The following KIF16B variants were observed in gnomAD, a reference collection of about 807,000 sequenced individuals.
KIF16B encodes kinesin family member 16B.
KIF16B carries 98 observed loss-of-function variants against 156.3 expected under a neutral mutation model. That is an observed-to-expected ratio of 0.63 (90% confidence interval 0.53 to 0.74). The LOEUF (loss-of-function observed/expected upper bound fraction) is 0.74, where lower values mean the gene tolerates loss of function less well. KIF16B is among the 30% of genes least tolerant of loss of function. The pLI, the probability that KIF16B is intolerant of heterozygous loss-of-function variation, is 0.00. For missense variants in KIF16B, 1,421 were observed against 1,606.5 expected (o/e 0.88, Z 1.97); for synonymous variants, 564 against 583.7 (o/e 0.97, Z 0.49).
intron 11 of KIF16B, among the ~76,000 whole-genome samples, chr20:16,495,268 C>G (rs985979743): frequency 3.3e-5 from 5 of 152,134 alleles, no homozygotes; most frequent in Non-Finnish European, 7.4e-5. Flanking sequence ...TACCTGGTCT[C>G]CCCAGTAAGT....
intron 17 of KIF16B, among the ~76,000 whole-genome samples, chr20:16,383,013 A>C (rs933013301): frequency 6.6e-6 from 1 of 152,140 alleles, no homozygotes; most frequent in Non-Finnish European, 1.5e-5. Context: ...TTGTTTTTTG[A>C]GTCAGGGTCT....
At chr20:16,463,440 T>C (rs1321507831) in intron 12 of KIF16B, among the ~76,000 whole-genome samples, 1 of 152,130 alleles carries the variant, frequency 6.6e-6, no homozygotes, top group Admixed American at 6.5e-5. Context: ...AAAATAAATA[T>C]TAGCATATTT....
intron 1 of KIF16B, among the ~76,000 whole-genome samples, chr20:16,564,896 C>G (rs2071197567): frequency 6.6e-6 from 1 of 152,022 alleles, no homozygotes; most frequent in Non-Finnish European, 1.5e-5. Flanking sequence ...CAGCCTCTCA[C>G]ACTGGCGACC....
chr20:16,536,067 G>A (rs2069949126), intron 1 of KIF16B, among the ~76,000 whole-genome samples: 1 of 152,168 alleles, frequency 6.6e-6, no homozygotes, highest in African/African-American at 2.4e-5. Flanking sequence ...ATTCACAATA[G>A]CAAAGATATT....
chr20:16,294,379 T>C (rs73110390), intron 25 of KIF16B, among the ~76,000 whole-genome samples: 3,446 of 152,016 alleles, frequency 0.023, 59 homozygotes, highest in Middle Eastern at 0.034. Flanking sequence ...AGCAGAAGCA[T>C]GGGGGTAGGA....
rs150656736 is a variant in KIF16B at position 16,472,753 on chromosome 20, C to T, written c.1302+21538G>A. Among the ~76,000 whole-genome samples the T allele has an allele frequency of 1.6e-4, 24 of 152,156 alleles. No homozygotes were observed. In the East Asian group the frequency reaches 4.3e-3, roughly 27 times the overall value. Reference sequence around the variant, plus strand: ...AGAACAAACCTCTCGGCTGACTGACCGCCTGCCTACTGACTTTGCATTCTG... The same window carrying T: ...AGAACAAACCTCTCGGCTGACTGACTGCCTGCCTACTGACTTTGCATTCTG... On this transcript the variant is annotated intron_variant, in intron 12 of 25. Coordinates refer to ENST00000354981, the MANE Select transcript of KIF16B (RefSeq NM_024704.5).
chr20:16,447,583 G>T lies in KIF16B; in HGVS notation c.1303-17601C>A, dbSNP rs962276457. On this transcript the variant is annotated intron_variant, in intron 12 of 25. Coordinates refer to ENST00000354981, the MANE Select transcript of KIF16B (RefSeq NM_024704.5). Reference sequence around the variant, plus strand: ...GAGGCCAGGAATTTGAGAGCAGCCTGAGCAACAAAGTAAGATCCTGTCTCT... The same window carrying T: ...GAGGCCAGGAATTTGAGAGCAGCCTTAGCAACAAAGTAAGATCCTGTCTCT... 2.0e-5 allele frequency among the ~76,000 whole-genome samples: 3 copies of T among 151,844 alleles called. No homozygotes were observed. In the South Asian group the frequency reaches 6.2e-4, roughly 32 times the overall value.
intron 24 of KIF16B, among the ~76,000 whole-genome samples, chr20:16,332,755 G>T (rs2063969136): frequency 2.0e-5 from 3 of 152,058 alleles, no homozygotes; most frequent in Non-Finnish European, 2.9e-5. Flanking sequence ...TAGTGTAAAA[G>T]AAATAAAAAA....
chr20:16,487,805 C>T (rs1020093083), intron 12 of KIF16B, among the ~76,000 whole-genome samples: 2 of 152,174 alleles, frequency 1.3e-5, no homozygotes, highest in Admixed American at 6.5e-5. Context: ...AATATCAAGA[C>T]GCCAGCTCAA....
At chr20:16,406,907 G>C (rs1034620809) in intron 15 of KIF16B, among the ~76,000 whole-genome samples, 3 of 152,180 alleles carry the variant, frequency 2.0e-5, no homozygotes, top group African/African-American at 7.2e-5. Flanking sequence ...AAAACGTATG[G>C]AATTGGCATA....
chr20:16,337,035 C>G (rs758320709), intron 23 of KIF16B, among the ~76,000 whole-genome samples: 1 of 152,056 alleles, frequency 6.6e-6, no homozygotes, highest in Non-Finnish European at 1.5e-5. Context: ...GGGAGGTGAC[C>G]CTCCTTAAGG....
chr20:16,331,500 C>T (rs879306100), intron 24 of KIF16B, among the ~76,000 whole-genome samples: 7 of 152,136 alleles, frequency 4.6e-5, no homozygotes, highest in Admixed American at 2.0e-4. Context: ...GTGTGCTTTT[C>T]GATACTTCTT....
At chr20:16,429,094 G>A in intron 13 of KIF16B, 90 bp from the exon 14 acceptor site, 1 of 1,069,950 alleles carries the variant, frequency 9.3e-7, no homozygotes, top group Non-Finnish European at 1.5e-6. Flanking sequence ...ACAACATAGT[G>A]GCCAATGGGA....
intron 17 of KIF16B, among the ~76,000 whole-genome samples, chr20:16,385,941 T>G (rs1405903926): frequency 6.6e-6 from 1 of 152,194 alleles, no homozygotes; most frequent in East Asian, 1.9e-4. Flanking sequence ...AGCCCACAAT[T>G]TTAATCTCTT....
At chr20:16,432,347 A>G (rs974487712) in intron 12 of KIF16B, among the ~76,000 whole-genome samples, 12 of 152,282 alleles carry the variant, frequency 7.9e-5, no homozygotes, top group African/African-American at 2.6e-4. Flanking sequence ...TCCTGGTCAG[A>G]GATGCTCCTG....
intron 12 of KIF16B, among the ~76,000 whole-genome samples, chr20:16,449,229 G>A (rs925706734): frequency 3.3e-5 from 5 of 152,094 alleles, no homozygotes; most frequent in African/African-American, 1.2e-4. Context: ...AAAAAAGGGG[G>A]TCTCTGAATA....
At chr20:16,313,022 C>T (rs765518852) in intron 24 of KIF16B, among the ~76,000 whole-genome samples, 27 of 152,178 alleles carry the variant, frequency 1.8e-4, no homozygotes, top group Non-Finnish European at 3.2e-4. Flanking sequence ...TTAGCCTGAT[C>T]TTAGCATTTC....
intron 3 of KIF16B, among the ~76,000 whole-genome samples, chr20:16,520,046 G>T (rs2069283366): frequency 6.6e-6 from 1 of 152,068 alleles, no homozygotes; most frequent in East Asian, 1.9e-4. Flanking sequence ...GATTCCTTCG[G>T]GTACCTACAC....
chr20:16,375,765 A>G (rs1344748362), intron 19 of KIF16B, among the ~76,000 whole-genome samples: 1 of 152,064 alleles, frequency 6.6e-6, no homozygotes, highest in Non-Finnish European at 1.5e-5. Context: ...TGGGGTTGTT[A>G]AGAATTGTCC....
Sources: gnomAD v4.1 joint callset for allele counts (sites outside exome capture counted in the v4.1 genomes callset) on GRCh38, gnomAD v4.1.1 for gene constraint, MANE v1.5 for transcripts, NCBI Gene and HGNC (gene_info 2026-07-23, HGNC 2026-07-21) for gene names.